NUP153: variants seen among roughly 807,000 people sequenced by gnomAD.
NUP153 encodes the protein nuclear pore complex protein Nup153.
A neutral mutation model predicts 134.6 loss-of-function variants in NUP153; 27 were observed. The ratio of observed to expected loss-of-function variants is 0.20; its 90% CI spans 0.15 to 0.28. The LOEUF (loss-of-function observed/expected upper bound fraction) is 0.28. Ranked by LOEUF, NUP153 falls within the 10% of genes least tolerant of loss-of-function variation. NUP153 has a pLI of 1.00. For synonymous variants in NUP153, 640 were observed against 623.5 expected, an observed-to-expected ratio of 1.03 and a Z score of -0.40; for missense variants, 1,821 against 1,731.3, an observed-to-expected ratio of 1.05 and a Z score of -0.92.
intron 1 of NUP153, among the ~76,000 whole-genome samples, chr6:17,695,220 G>T (rs1429525287): frequency 1.3e-5 from 2 of 152,070 alleles, no homozygotes; most frequent in East Asian, 3.9e-4. Flanking sequence ...TATATATCTA[G>T]TCACTTATAA....
intron 16 of NUP153, among the ~76,000 whole-genome samples, chr6:17,636,930 G>A (rs1765578964): frequency 6.6e-6 from 1 of 152,192 alleles, no homozygotes; most frequent in Middle Eastern, 3.2e-3. Context: ...TGTACAAAAA[G>A]AGGAGGTCGT....
intron 1 of NUP153, among the ~76,000 whole-genome samples, chr6:17,702,157 A>T (rs1212448376): frequency 6.6e-6 from 1 of 152,146 alleles, no homozygotes; most frequent in African/African-American, 2.4e-5. Flanking sequence ...ATGGAAAAGG[A>T]AGACAGGAAC....
chr6:17,673,944 A>G (rs1205596817), intron 5 of NUP153, among the ~76,000 whole-genome samples: 1 of 152,260 alleles, frequency 6.6e-6, no homozygotes, highest in Non-Finnish European at 1.5e-5. Flanking sequence ...GAAACAACTC[A>G]GTGTCTTTTC....
At chr6:17,696,167 C>G (rs1362132401) in intron 1 of NUP153, among the ~76,000 whole-genome samples, 1 of 152,064 alleles carries the variant, frequency 6.6e-6, no homozygotes, top group East Asian at 1.9e-4. Context: ...GTTAAGGGAC[C>G]CTGCCTACCA....
chr6:17,637,851 G>T (rs986773283), intron 15 of NUP153, 81 bp from the exon 16 acceptor site: 10 of 1,429,020 alleles, frequency 7.0e-6, no homozygotes, highest in Non-Finnish European at 9.3e-6. Flanking sequence ...TTACTGAGAA[G>T]ACGTTTACCT....
intron 2 of NUP153, among the ~76,000 whole-genome samples, chr6:17,679,751 C>T (rs1232074966): frequency 6.6e-6 from 1 of 152,190 alleles, no homozygotes. Context: ...TGATGTTACA[C>T]ATGCTAACCC....
Position 17,616,019 on chromosome 6 carries a change from C to G in NUP153, c.*78G>C. 1 of 1,058,702 alleles carries G rather than the reference C, an allele frequency of 9.4e-7. No homozygotes were observed. Among genetic ancestry groups the G allele is most frequent in the Non-Finnish European group, 1.5e-6 (1 of 687,614 alleles). The allele number at this position is 1,058,702 out of a possible 1,614,324, so 65.6% of individuals were successfully genotyped here. A position where few individuals can be genotyped will look rare whatever the true frequency, so the allele number is the denominator to read the frequency against. On this transcript the variant is annotated 3_prime_UTR_variant, in exon 22 of 22. Coordinates refer to ENST00000262077, the MANE Select transcript of NUP153 (RefSeq NM_005124.4). ...TAGGCAGATCTGACTTCAGATAACC[C>G]CAGCACAAAGTACAATCCAGTATCT... is the stretch of plus-strand genomic sequence containing the variant.
chr6:17,668,272 G>T (rs989718388), intron 8 of NUP153, among the ~76,000 whole-genome samples: 1 of 151,636 alleles, frequency 6.6e-6, no homozygotes, highest in South Asian at 2.1e-4. Context: ...TAGAGACAGG[G>T]TTTCACCATG....
intron 18 of NUP153, 125 bp from the exon 19 acceptor site, chr6:17,626,289 A>G: frequency 1.5e-6 from 1 of 659,540 alleles, no homozygotes; most frequent in South Asian, 2.0e-5. Flanking sequence ...GATTTTTTAT[A>G]TAGATTACTT....
In NUP153 at chr6:17,616,218, C is replaced by T. The variant is rs200481376; in HGVS notation, c.4344-37G>A. The T allele has an allele frequency of 6.6e-5, 92 of 1,387,086 alleles. No homozygotes were observed. The African/African-American group carries it at 1.1e-3, about 17-fold the overall frequency. The allele number at this position is 1,387,086 out of a possible 1,614,324, so 85.9% of individuals were successfully genotyped here. ...AAAAACTTCATAATGTGACATGATG[C>T]TCTGAGCAAAATTTCCAAATGCTAA... On this transcript the variant is annotated intron_variant, in intron 21 of 21. Transcript: ENST00000262077.
chr6:17,668,936 G>T (rs753589978), intron 8 of NUP153, 39 bp downstream of exon 8: 2 of 1,358,302 alleles, frequency 1.5e-6, no homozygotes, highest in South Asian at 1.3e-5. Context: ...CAACAAAATT[G>T]TAGACAGTTT....
chr6:17,686,697 A>C lies in NUP153; in HGVS notation c.334+1699T>G, dbSNP rs4712307. Among the ~76,000 whole-genome samples, 6 of 151,946 alleles carry C rather than the reference A, an allele frequency of 3.9e-5. No individual in the cohort carries two copies. In the East Asian group the frequency reaches 9.6e-4, roughly 24 times the overall value. On this transcript the variant is annotated intron_variant, in intron 2 of 21. Coordinates refer to ENST00000262077, the MANE Select transcript of NUP153 (RefSeq NM_005124.4). ...AAAGTTTTAAAAGTTAAGAAAAAAAAACAGTACTATAGAAAAAAAAAATTT... is the reference window on the plus strand; with the variant it reads ...AAAGTTTTAAAAGTTAAGAAAAAAACACAGTACTATAGAAAAAAAAAATTT...
At chr6:17,668,816 C>A (rs143406335) in intron 8 of NUP153, among the ~76,000 whole-genome samples, 159 bp downstream of exon 8, 36 of 151,686 alleles carry the variant, frequency 2.4e-4, no homozygotes, top group African/African-American at 7.3e-4. Flanking sequence ...GCACACCAGT[C>A]TGGATGACAG....
intron 8 of NUP153, among the ~76,000 whole-genome samples, chr6:17,666,195 T>G (rs1461452939): frequency 2.0e-5 from 3 of 152,008 alleles, no homozygotes; most frequent in Non-Finnish European, 4.4e-5. Flanking sequence ...ACTGTCCATA[T>G]TTTTTGAGCT....
At position 17,615,922 on chromosome 6, in the gene NUP153, G is replaced by A; in HGVS notation, c.*175C>T. The A allele has an allele frequency of 1.9e-6, 1 of 516,868 alleles. No individual in the cohort carries two copies. 32.0% of individuals were successfully genotyped at this position (516,868 alleles called of 1,614,324 possible). A position where few individuals can be genotyped will look rare whatever the true frequency, so the allele number is the denominator to read the frequency against. On this transcript the variant is annotated 3_prime_UTR_variant, in exon 22 of 22. Coordinates refer to ENST00000262077, the MANE Select transcript of NUP153 (RefSeq NM_005124.4). The surrounding 1 kb of genome is among the most constrained non-coding windows in gnomAD (Gnocchi z 5.7). ...TCTAGCTATTTATTTATTTAAAAAA[G>A]GGTGGGTGAGGCAGGGTGGGGCTTC...
chr6:17,621,416 C>T (rs535019251), intron 20 of NUP153, among the ~76,000 whole-genome samples: 1 of 152,300 alleles, frequency 6.6e-6, no homozygotes, highest in East Asian at 1.9e-4. Flanking sequence ...ATGTTTAGTG[C>T]AGCACTATTC....
intron 20 of NUP153, among the ~76,000 whole-genome samples, chr6:17,618,616 A>G (rs998274639): frequency 6.9e-6 from 1 of 145,702 alleles, no homozygotes; most frequent in African/African-American, 2.6e-5. Flanking sequence ...CCCAGGCTGG[A>G]GTGCAGTGGC....
chr6:17,649,871 A>G (rs376386030), intron 11 of NUP153, among the ~76,000 whole-genome samples: 2 of 152,220 alleles, frequency 1.3e-5, no homozygotes, highest in East Asian at 3.8e-4. Context: ...CTGCAGTTTC[A>G]GGTATGACCT....
At chr6:17,691,861 G>C (rs1328280262) in intron 1 of NUP153, among the ~76,000 whole-genome samples, 1 of 152,130 alleles carries the variant, frequency 6.6e-6, no homozygotes, top group African/African-American at 2.4e-5. Context: ...ACCAGGTAGA[G>C]TGCAATGGCA....
Sources: allele counts gnomAD v4.1 joint callset (sites outside exome capture counted in the v4.1 genomes callset), GRCh38; gene constraint gnomAD v4.1.1; non-coding constraint Gnocchi (gnomAD v3.1); transcripts MANE v1.5; gene names NCBI Gene and HGNC (gene_info 2026-07-23, HGNC 2026-07-21).